The following SPATA16 variants were observed in gnomAD, a reference collection of about 807,000 sequenced individuals.
SPATA16 encodes the protein spermatogenesis-associated protein 16.
Under a neutral mutation model 63.3 loss-of-function variants are expected in SPATA16, and 36 were observed. That is an observed-to-expected ratio of 0.57 (90% CI 0.44 to 0.75). SPATA16 has a LOEUF of 0.75. Among genes scored for constraint, SPATA16 ranks in the 30% least tolerant of loss-of-function variants. The pLI, the probability that SPATA16 is intolerant of heterozygous loss-of-function variation, is 0.00. For missense variants in SPATA16, 646 were observed against 679.3 expected (o/e 0.95, Z 0.54); for synonymous variants, 203 against 216.7 (o/e 0.94, Z 0.56).
chr3:172,896,877 C>G (rs1266269145), intron 10 of SPATA16, among the ~76,000 whole-genome samples: 1 of 151,312 alleles, frequency 6.6e-6, no homozygotes, highest in Non-Finnish European at 1.5e-5. Flanking sequence ...AGTATTTTCT[C>G]TCATGCTGAG....
chr3:173,138,938 C>G (rs1480737699), intron 1 of SPATA16, among the ~76,000 whole-genome samples: 1 of 152,148 alleles, frequency 6.6e-6, no homozygotes, highest in East Asian at 1.9e-4. Context: ...TACATTTACT[C>G]CTGGAGGCTT....
At chr3:173,043,685 T>G (rs1735897859) in intron 3 of SPATA16, among the ~76,000 whole-genome samples, 2 of 152,004 alleles carry the variant, frequency 1.3e-5, no homozygotes, top group African/African-American at 4.8e-5. Context: ...GTACTCTTCT[T>G]TCTTTTTTGT....
intron 1 of SPATA16, among the ~76,000 whole-genome samples, chr3:173,133,036 T>C (rs1738427279): frequency 6.6e-6 from 1 of 152,098 alleles, no homozygotes; most frequent in Admixed American, 6.6e-5. Context: ...TGAAGAAAGA[T>C]ACAGCATGCA....
At chr3:172,961,070 CTTCCTTCCT>C (rs1733766427) in intron 5 of SPATA16, among the ~76,000 whole-genome samples, 1 of 25,602 alleles carries the variant, frequency 3.9e-5, no homozygotes, top group African/African-American at 1.6e-4. Context: ...TTTCTTCTTT[CTTCCTTCCT>C]TCCTTCCTTC....
In SPATA16 at chr3:173,088,912, CAG is replaced by C. The variant is rs1363394136; in HGVS notation, c.612+28206_612+28207del. Among the ~76,000 whole-genome samples the C allele has an allele frequency of 2.6e-5, 4 of 152,276 alleles. No individual in the cohort carries two copies. The East Asian group carries it at 5.8e-4, about 22-fold the overall frequency. On this transcript the variant is annotated intron_variant, in intron 2 of 10. Coordinates refer to ENST00000351008, the MANE Select transcript of SPATA16 (RefSeq NM_031955.6). ...CTGTTGTGATGGCTGGGATTATAAACAGAGCATGGAATATTCTGGAAGGCAGA... is the reference window on the plus strand; with the variant it reads ...CTGTTGTGATGGCTGGGATTATAAACAGCATGGAATATTCTGGAAGGCAGA...
At chr3:173,093,799 C>A (rs1737281104) in intron 2 of SPATA16, among the ~76,000 whole-genome samples, 1 of 152,090 alleles carries the variant, frequency 6.6e-6, no homozygotes, top group Non-Finnish European at 1.5e-5. Flanking sequence ...TAACAAAATT[C>A]TTTTACAGCT....
intron 6 of SPATA16, among the ~76,000 whole-genome samples, chr3:172,930,431 C>T (rs763800157): frequency 2.6e-5 from 4 of 152,154 alleles, no homozygotes; most frequent in Non-Finnish European, 5.9e-5. Context: ...GAAACAACTA[C>T]CTAGTCTCCC....
chr3:172,978,157 C>CTATA lies in SPATA16; in HGVS notation c.849-1106_849-1105insTATA, dbSNP rs1350780637. ...TCTCTCCCTCTCTCTCTCTCTCTCT[C>CTATA]TCTCTATATATATATATAAACACAG... On this transcript the variant is annotated intron_variant, in intron 4 of 10. Transcript: ENST00000351008. Among the ~76,000 whole-genome samples the CTATA allele has an allele frequency of 2.5e-3, 377 of 148,732 alleles. 2 individuals carry two copies. The highest frequency in any genetic ancestry group is 9.1e-3 in the African/African-American group (359 of 39,386).
chr3:172,906,460 G>C (rs1732238978), intron 10 of SPATA16, among the ~76,000 whole-genome samples: 1 of 152,208 alleles, frequency 6.6e-6, no homozygotes, highest in Admixed American at 6.5e-5. Context: ...CTTTGGCTCA[G>C]ATTGAAAGAA....
chr3:173,062,165 C>CTT (rs1736397525), intron 2 of SPATA16, among the ~76,000 whole-genome samples: 1 of 149,924 alleles, frequency 6.7e-6, no homozygotes, highest in South Asian at 2.1e-4. Flanking sequence ...TGCTCTGAAG[C>CTT]ATGTAGATGA....
At chr3:173,078,758 A>G (rs1736861248) in intron 2 of SPATA16, among the ~76,000 whole-genome samples, 1 of 152,100 alleles carries the variant, frequency 6.6e-6, no homozygotes, top group Admixed American at 6.5e-5. Context: ...TTTTTTCCCT[A>G]ATTAGTATTG....
chr3:172,980,445 A>T (rs1734273776), intron 4 of SPATA16, among the ~76,000 whole-genome samples: 1 of 152,034 alleles, frequency 6.6e-6, no homozygotes, highest in South Asian at 2.1e-4. Context: ...TGTTCATCTT[A>T]TTTTCATTAA....
At chr3:172,905,981 C>T (rs1732225000) in intron 10 of SPATA16, among the ~76,000 whole-genome samples, 1 of 152,210 alleles carries the variant, frequency 6.6e-6, no homozygotes, top group Admixed American at 6.5e-5. Context: ...CAAGACAATA[C>T]TGTATGTCAT....
At chr3:172,924,147 A>G in intron 8 of SPATA16, 61 bp downstream of exon 8, 1 of 1,333,292 alleles carries the variant, frequency 7.5e-7, no homozygotes, top group South Asian at 1.2e-5. Context: ...TAAGCCTTAT[A>G]TACTTCTAGA....
chr3:173,097,950 A>G (rs7653527), intron 2 of SPATA16, among the ~76,000 whole-genome samples: 20,466 of 152,144 alleles, frequency 0.13, 1,467 homozygotes, highest in East Asian at 0.25. Context: ...GGACAAATTA[A>G]TTTTGGTACT....
chr3:172,975,451 A>G (rs1354320468), intron 5 of SPATA16, among the ~76,000 whole-genome samples: 3 of 152,164 alleles, frequency 2.0e-5, no homozygotes, highest in African/African-American at 7.2e-5. Context: ...CTTAAGATTC[A>G]CAACTCCTTT....
chr3:172,977,071 T>C lies in SPATA16; in HGVS notation c.849-19A>G. ...GGCACTCCTAAGAACAAGGACAGAT[T>C]AAAAAAAAAACAAAAACAAATGTAT... On this transcript the variant is annotated intron_variant, in intron 4 of 10. Coordinates refer to ENST00000351008, the MANE Select transcript of SPATA16 (RefSeq NM_031955.6). 1 of 1,475,344 alleles carries C rather than the reference T, an allele frequency of 6.8e-7. No homozygotes were observed. Among genetic ancestry groups the C allele is most frequent in the Non-Finnish European group, 9.2e-7 (1 of 1,087,026 alleles). The allele number at this position is 1,475,344 out of a possible 1,614,324, so 91.4% of individuals were successfully genotyped here.
chr3:173,044,668 T>C (rs1735917350), intron 3 of SPATA16, among the ~76,000 whole-genome samples: 2 of 152,158 alleles, frequency 1.3e-5, no homozygotes, highest in Non-Finnish European at 2.9e-5. Flanking sequence ...TCTTTGCATG[T>C]GTGGTAATTT....
chr3:173,081,513 C>T (rs1410316694), intron 2 of SPATA16, among the ~76,000 whole-genome samples: 1 of 152,050 alleles, frequency 6.6e-6, no homozygotes, highest in Admixed American at 6.6e-5. Context: ...CTGAGACTTC[C>T]ATTGAATCGT....
Sources: allele counts gnomAD v4.1 joint callset (sites outside exome capture counted in the v4.1 genomes callset), GRCh38; gene constraint gnomAD v4.1.1; transcripts MANE v1.5; gene names NCBI Gene and HGNC (gene_info 2026-07-23, HGNC 2026-07-21).